Variants in PSME4 observed in about 807,000 individuals in gnomAD.
PSME4 encodes proteasome activator subunit 4.
In PSME4, 89 loss-of-function variants were observed where a neutral mutation model predicts 253.9. That is an observed-to-expected ratio of 0.35 (90% CI 0.30 to 0.42). PSME4 has a LOEUF of 0.42. Among genes scored for constraint, PSME4 ranks in the 10% least tolerant of loss-of-function variants. The pLI, the probability that PSME4 is intolerant of heterozygous loss-of-function variation, is 1.00. For synonymous variants in PSME4, 851 were observed against 759.2 expected (o/e 1.12, Z -1.99); for missense variants, 2,014 against 2,195.2 (o/e 0.92, Z 1.65).
intron 44 of PSME4, among the ~76,000 whole-genome samples, chr2:53,868,745 CTA>C (rs1008732405): frequency 6.6e-6 from 1 of 151,054 alleles, no homozygotes; most frequent in Non-Finnish European, 1.5e-5. Context: ...AGCACTTCCT[CTA>C]AATTCAATAA....
At position 53,925,575 on chromosome 2, in the gene PSME4, A is replaced by G. The variant is rs777296778; in HGVS notation, c.1773T>C (p.Ser591=). ...LVELGLSSTF[S]TILTQCSKEI... ...CTTTGGAACATTGGGTGAGGATTGT[A>G]CTAAACGTAGAAGACAGACCTAATT... The change falls in exon 14 of 47, where the codon AGT becomes AGC. Residue 591 remains serine (S), a synonymous_variant. Coordinates refer to ENST00000404125, the MANE Select transcript of PSME4 (RefSeq NM_014614.3). 1.9e-6 allele frequency: 3 copies of G among 1,600,302 alleles called. No homozygotes were observed. In the Admixed American group the frequency reaches 5.0e-5, roughly 27 times the overall value.
chr2:53,955,106 G>A (rs2104482039), intron 1 of PSME4, among the ~76,000 whole-genome samples: 1 of 152,252 alleles, frequency 6.6e-6, no homozygotes, highest in South Asian at 2.1e-4. Context: ...GGGAGGTTGA[G>A]GTTGCAGTGA....
chr2:53,958,560 G>T (rs922259137), intron 1 of PSME4, among the ~76,000 whole-genome samples: 2 of 152,066 alleles, frequency 1.3e-5, no homozygotes, highest in Non-Finnish European at 1.5e-5. Context: ...GTCAATATCA[G>T]ACTTTAAGGC....
At chr2:53,947,958 G>C (rs575189374) in intron 3 of PSME4, among the ~76,000 whole-genome samples, 17 of 152,238 alleles carry the variant, frequency 1.1e-4, no homozygotes, top group Non-Finnish European at 2.4e-4. Context: ...GGAGGTTGCA[G>C]TGAGCTGAGA....
chr2:53,970,692 C>A lies in PSME4; in HGVS notation c.93G>T (p.Glu31Asp), dbSNP rs78645734. The A allele has an allele frequency of 0.037, 57,306 of 1,549,752 alleles. 1,238 individuals are homozygous for A. Among genetic ancestry groups the A allele is most frequent in the Admixed American group, 0.059 (3,034 of 50,994 alleles). Reference sequence around the variant, plus strand: ...AGGGCAGCAGCTTGTTGTAGACGATCTCCTTCTGCGGGACGAAGCCCCGCG... The same window carrying A: ...AGGGCAGCAGCTTGTTGTAGACGATATCCTTCTGCGGGACGAAGCCCCGCG... The part of the protein sequence containing the change: ...PGPRGFVPQK[E>D]IVYNKLLPYA... The change falls in exon 1 of 47, where the codon GAG (glutamate) becomes GAT (aspartate). Residue 31 changes from glutamate (E) to aspartate (D), a missense_variant. Around this residue, in one of 4 missense-constraint regions of PSME4, gnomAD observed 615 missense variants for 594.4 expected, o/e 1.03. Transcript: ENST00000404125.
intron 4 of PSME4, among the ~76,000 whole-genome samples, chr2:53,938,287 G>T (rs528544227): frequency 6.6e-6 from 1 of 152,216 alleles, no homozygotes; most frequent in African/African-American, 2.4e-5. Flanking sequence ...TACCTTCCTT[G>T]GAACACAGAG....
intron 37 of PSME4, among the ~76,000 whole-genome samples, chr2:53,889,484 T>C (rs1679799864): frequency 1.3e-5 from 2 of 151,320 alleles, no homozygotes; most frequent in South Asian, 4.2e-4. Flanking sequence ...CCCACCCCCT[T>C]CTGAAATATT....
At chr2:53,957,731 C>T (rs576426713) in intron 1 of PSME4, among the ~76,000 whole-genome samples, 2 of 152,162 alleles carry the variant, frequency 1.3e-5, no homozygotes, top group South Asian at 2.1e-4. Context: ...GAATCCCTAG[C>T]GATGTAAAAT....
intron 30 of PSME4, 82 bp downstream of exon 30, chr2:53,898,219 T>G: frequency 7.5e-7 from 1 of 1,330,174 alleles, no homozygotes; most frequent in East Asian, 2.4e-5. Context: ...TGTGACATAG[T>G]CATTCATAGC....
At position 53,901,401 on chromosome 2, in the gene PSME4, A is replaced by G. The variant is rs147440342; in HGVS notation, c.3234T>C (p.Asp1078=). The change falls in exon 28 of 47, where the codon GAT becomes GAC. Residue 1078 remains aspartate, a synonymous_variant. Coordinates refer to ENST00000404125, the MANE Select transcript of PSME4 (RefSeq NM_014614.3). ...EKPSIVRLFD[D]LAEKIHRQYE... is the part of the protein sequence containing the mutation. The stretch of plus-strand genomic sequence containing the variant: ...ACTGCCTATGAATCTTTTCTGCAAG[A>G]TCATCAAACAATCTCACTATTGATG... 1 of 1,614,194 alleles carries G rather than the reference A, an allele frequency of 6.2e-7. No individual in the cohort carries two copies. The highest frequency in any genetic ancestry group is 2.2e-5 in the East Asian group (1 of 44,890).
chr2:53,876,970 G>A (rs543257248), intron 41 of PSME4, among the ~76,000 whole-genome samples: 199 of 151,624 alleles, frequency 1.3e-3, no homozygotes, highest in Non-Finnish European at 2.0e-3. Flanking sequence ...CAATCTTCCT[G>A]CGCTGGCCTC....
chr2:53,908,012 T>C (rs924342028), intron 24 of PSME4: 1 of 289,380 alleles, frequency 3.5e-6, no homozygotes, highest in South Asian at 5.4e-5. Context: ...TTCATGCCCA[T>C]AGATAATTCC....
At chr2:53,960,017 A>C (rs1180612297) in intron 1 of PSME4, among the ~76,000 whole-genome samples, 4 of 152,212 alleles carry the variant, frequency 2.6e-5, no homozygotes, top group African/African-American at 9.6e-5. Flanking sequence ...GTGGTCATTG[A>C]CTTTGAAAGT....
At chr2:53,949,113 C>T in intron 2 of PSME4, 30 bp downstream of exon 2, 1 of 1,550,924 alleles carries the variant, frequency 6.4e-7, no homozygotes, top group Non-Finnish European at 8.7e-7. Flanking sequence ...ACAAACAAAC[C>T]TTAACAGAAA....
At chr2:53,901,611 G>A (rs1484961003) in intron 27 of PSME4, 52 bp from the exon 28 acceptor site, 2 of 1,469,672 alleles carry the variant, frequency 1.4e-6, no homozygotes, top group Non-Finnish European at 9.3e-7. Flanking sequence ...GAGGCATCAT[G>A]TAGTTGTAGC....
chr2:53,929,959 A>C (rs1268364731), intron 10 of PSME4, among the ~76,000 whole-genome samples: 1 of 152,104 alleles, frequency 6.6e-6, no homozygotes, highest in African/African-American at 2.4e-5. Context: ...TGGAGGTTGC[A>C]GTGAGCTGAG....
intron 27 of PSME4, among the ~76,000 whole-genome samples, chr2:53,903,487 A>C (rs1322548538): frequency 6.6e-6 from 1 of 152,184 alleles, no homozygotes; most frequent in East Asian, 1.9e-4. Flanking sequence ...ACATCCCCAT[A>C]GGATGTAGTA....
At chr2:53,874,983 A>G (rs1035580939) in intron 42 of PSME4, among the ~76,000 whole-genome samples, 5 of 152,150 alleles carry the variant, frequency 3.3e-5, no homozygotes, top group Admixed American at 1.3e-4. Context: ...GTAAAAGTCA[A>G]TTTCACAAGA....
chr2:53,950,863 G>T (rs1053666391), intron 1 of PSME4, among the ~76,000 whole-genome samples: 11 of 146,436 alleles, frequency 7.5e-5, no homozygotes, highest in Non-Finnish European at 1.5e-4. Flanking sequence ...AAAAAGAAAA[G>T]AAAAAGGTGT....
Sources: allele counts gnomAD v4.1 joint callset (sites outside exome capture counted in the v4.1 genomes callset), GRCh38; gene constraint gnomAD v4.1.1; regional missense constraint gnomAD v4.1.1; transcripts MANE v1.5; gene names NCBI Gene and HGNC (gene_info 2026-07-23, HGNC 2026-07-21).